NXPE3: variants seen among roughly 807,000 people sequenced by gnomAD.
NXPE3 encodes the protein neurexophilin and PC-esterase domain family member 3, also known as NXPE family member 3.
NXPE3 carries 26 observed loss-of-function variants against 46.1 expected under a neutral mutation model. That is an observed-to-expected ratio of 0.56 (90% CI 0.41 to 0.78). The LOEUF (loss-of-function observed/expected upper bound fraction) is 0.78. Ranked by LOEUF, NXPE3 falls within the 30% of genes least tolerant of loss-of-function variation. The probability of loss-of-function intolerance (pLI) is 0.00; values close to 1 mark genes in which losing one functional copy is unlikely to be tolerated. For missense variants in NXPE3, 620 were observed against 686.0 expected (o/e 0.90, Z 1.07); for synonymous variants, 272 against 257.9 (o/e 1.05, Z -0.52).
intron 4 of NXPE3, among the ~76,000 whole-genome samples, chr3:101,800,432 T>G (rs1213585539): frequency 6.6e-6 from 1 of 152,102 alleles, no homozygotes; most frequent in Non-Finnish European, 1.5e-5. Context: ...ATTTTTAAGG[T>G]GTATTTTATG....
intron 5 of NXPE3, among the ~76,000 whole-genome samples, chr3:101,803,083 A>T (rs35799195): frequency 3.9e-5 from 6 of 152,160 alleles, no homozygotes; most frequent in Non-Finnish European, 7.4e-5. Context: ...CATGTTTTTT[A>T]CTTTTTAGTG....
intron 3 of NXPE3, among the ~76,000 whole-genome samples, chr3:101,785,077 A>T (rs950763807): frequency 2.0e-4 from 30 of 152,214 alleles, no homozygotes; most frequent in African/African-American, 7.2e-4. Flanking sequence ...GATTTTATTG[A>T]CTGAGGTCTC....
intron 7 of NXPE3, among the ~76,000 whole-genome samples, chr3:101,818,711 CAATTTA>C (rs1158051906): frequency 1.9e-5 from 1 of 52,182 alleles, no homozygotes; most frequent in African/African-American, 6.9e-5. Flanking sequence ...GAATATATGA[CAATTTA>C]TATATATATA....
chr3:101,821,841 G>T lies in NXPE3; in HGVS notation c.1567G>T (p.Ala523Ser). ...AGGGGTTGGAGTATATCTCGTCGAT[G>T]CCTGGGAGATGACCCTGGCCCATTA... is the stretch of plus-strand genomic sequence containing the variant. ...FSGVGVYLVD[A>S]WEMTLAHYLP... Residue 523 changes from alanine to serine, a missense_variant, in exon 8 of 8, where the codon GCC becomes TCC. By Grantham distance (99) the Ala-to-Ser change is moderately conservative. This residue lies in a region of NXPE3 where 75 missense variants were observed against 121.1 expected (regional missense o/e 0.62). Coordinates refer to ENST00000273347, the MANE Select transcript of NXPE3 (RefSeq NM_145037.4). 1.2e-6 allele frequency: 2 copies of T among 1,614,162 alleles called. No individual in the cohort carries two copies. The highest frequency in any genetic ancestry group is 1.7e-6 in the Non-Finnish European group (2 of 1,180,026).
intron 6 of NXPE3, among the ~76,000 whole-genome samples, chr3:101,813,230 T>A (rs1576775136): frequency 6.6e-6 from 1 of 152,124 alleles, no homozygotes; most frequent in Non-Finnish European, 1.5e-5. Context: ...TTCTGTCTTG[T>A]TTTCCCCCTT....
chr3:101,811,392 G>A (rs76204805), intron 6 of NXPE3, among the ~76,000 whole-genome samples: 8 of 152,250 alleles, frequency 5.3e-5, no homozygotes, highest in African/African-American at 7.2e-5. Flanking sequence ...CCTAGCATGC[G>A]CTTTACTATT....
chr3:101,794,569 A>G (rs1219201125), intron 4 of NXPE3, among the ~76,000 whole-genome samples: 2 of 152,216 alleles, frequency 1.3e-5, no homozygotes, highest in Non-Finnish European at 2.9e-5. Context: ...CAGAGGGACA[A>G]TAAATTTCAA....
At chr3:101,819,415 A>G (rs948563485) in intron 7 of NXPE3, among the ~76,000 whole-genome samples, 2 of 152,170 alleles carry the variant, frequency 1.3e-5, no homozygotes, top group Admixed American at 6.5e-5. Context: ...GAGGGAGAAA[A>G]GGGAATTTTT....
intron 6 of NXPE3, among the ~76,000 whole-genome samples, chr3:101,813,954 A>AT (rs1000344040): frequency 1.9e-4 from 29 of 152,212 alleles, no homozygotes; most frequent in African/African-American, 5.1e-4. Flanking sequence ...AAAAAATATG[A>AT]TTTTTTTCTC....
chr3:101,802,505 A>C (rs1941220157), intron 5 of NXPE3, among the ~76,000 whole-genome samples: 1 of 151,918 alleles, frequency 6.6e-6, no homozygotes, highest in Admixed American at 6.5e-5. Context: ...GCTGGTAGTC[A>C]GGCTGGTGTT....
At chr3:101,790,986 T>A (rs72937635) in intron 4 of NXPE3, among the ~76,000 whole-genome samples, 1 of 152,176 alleles carries the variant, frequency 6.6e-6, no homozygotes, top group Non-Finnish European at 1.5e-5. Context: ...TGGGGGTACA[T>A]GTAAAGGTTT....
At chr3:101,819,982 T>C (rs1461023314) in intron 7 of NXPE3, among the ~76,000 whole-genome samples, 1 of 151,700 alleles carries the variant, frequency 6.6e-6, no homozygotes, top group Non-Finnish European at 1.5e-5. Context: ...ATAAGGCAAA[T>C]ATTGCATGAG....
intron 4 of NXPE3, among the ~76,000 whole-genome samples, chr3:101,794,130 T>G (rs988453664): frequency 1.3e-5 from 2 of 152,066 alleles, no homozygotes; most frequent in African/African-American, 4.8e-5. Flanking sequence ...TTTCAGTTGT[T>G]TCATGTGAGA....
chr3:101,793,890 C>T lies in NXPE3; in HGVS notation c.94-7345C>T, dbSNP rs552057308. Among the ~76,000 whole-genome samples the T allele has an allele frequency of 3.9e-5, 6 of 151,942 alleles. No individual in the cohort carries two copies. The South Asian group carries it at 1.2e-3, about 32-fold the overall frequency. On this transcript the variant is annotated intron_variant, in intron 4 of 7. Coordinates refer to ENST00000273347, the MANE Select transcript of NXPE3 (RefSeq NM_145037.4). The stretch of plus-strand genomic sequence containing the variant: ...TTTGCTTTCCTGTGAATTATAATCA[C>T]CATGGTCTTTAAGACTCTCAGCCTC...
intron 6 of NXPE3, among the ~76,000 whole-genome samples, chr3:101,809,166 A>C (rs1941594051): frequency 6.6e-6 from 1 of 152,110 alleles, no homozygotes; most frequent in Non-Finnish European, 1.5e-5. Context: ...GTTAGAGGGA[A>C]GATAGATTTG....
At chr3:101,788,172 T>C (rs1288272724) in intron 4 of NXPE3, among the ~76,000 whole-genome samples, 1 of 152,244 alleles carries the variant, frequency 6.6e-6, no homozygotes, top group Admixed American at 6.5e-5. Context: ...TTCTATCATG[T>C]GCTTTTGGAT....
rs778265388 is a variant in NXPE3 at position 101,801,840 on chromosome 3, G to A, written c.699G>A (p.Leu233=). Residue 233 remains leucine (L), a synonymous_variant, in exon 5 of 8, where the codon CTG becomes CTA. Transcript: ENST00000273347. ...TECNVCLPGN[L]PLCNFTDLYT... Reference sequence around the variant, plus strand: ...GCAACGTGTGTCTTCCTGGGAATCTGCCCCTGTGTAACTTTACAGACCTCT... The same window carrying A: ...GCAACGTGTGTCTTCCTGGGAATCTACCCCTGTGTAACTTTACAGACCTCT... 6 of 1,614,118 alleles carry A rather than the reference G, an allele frequency of 3.7e-6. No homozygotes were observed. The highest frequency in any genetic ancestry group is 2.2e-5 in the East Asian group (1 of 44,868).
chr3:101,822,164 C>A lies in NXPE3; in HGVS notation c.*210C>A. On this transcript the variant is annotated 3_prime_UTR_variant, in exon 8 of 8. Coordinates refer to ENST00000273347, the MANE Select transcript of NXPE3 (RefSeq NM_145037.4). ...GGATTTTATCCAATGTTGACTTAGCCATGGTAGAACTCTTAACTGCATCTA... is the reference window on the plus strand; with the variant it reads ...GGATTTTATCCAATGTTGACTTAGCAATGGTAGAACTCTTAACTGCATCTA... The A allele has an allele frequency of 5.9e-6, 3 of 504,862 alleles. No individual in the cohort carries two copies. The highest frequency in any genetic ancestry group is 6.8e-5 in the South Asian group (2 of 29,422). The allele number at this position is 504,862 out of a possible 1,614,324, so 31.3% of individuals were successfully genotyped here. A position where few individuals can be genotyped will look rare whatever the true frequency, so the allele number is the denominator to read the frequency against.
At chr3:101,815,996 GA>G (rs879838918) in intron 6 of NXPE3, among the ~76,000 whole-genome samples, 48 of 138,294 alleles carry the variant, frequency 3.5e-4, no homozygotes, top group East Asian at 6.3e-4. Flanking sequence ...CTCTGTCTCG[GA>G]AAAAAAAAAA....
Sources: gnomAD v4.1 joint callset for allele counts (sites outside exome capture counted in the v4.1 genomes callset) on GRCh38, gnomAD v4.1.1 for gene constraint, gnomAD v4.1.1 regional missense constraint, MANE v1.5 for transcripts, NCBI Gene and HGNC (gene_info 2026-07-23, HGNC 2026-07-21) for gene names.